Variants in ZC3H7B observed in about 807,000 individuals in gnomAD.
The protein encoded by ZC3H7B is zinc finger CCCH-type containing 7B, also known as zinc finger CCCH domain-containing protein 7B.
A neutral mutation model predicts 116.0 loss-of-function variants in ZC3H7B; 35 were observed. That is an observed-to-expected ratio of 0.30 (90% confidence interval 0.23 to 0.40). The LOEUF (loss-of-function observed/expected upper bound fraction) is 0.40. Ranked by LOEUF, ZC3H7B falls within the 10% of genes least tolerant of loss-of-function variation. ZC3H7B has a pLI of 1.00. For synonymous variants in ZC3H7B, 502 were observed against 545.6 expected, an observed-to-expected ratio of 0.92 and a Z score of 1.11; for missense variants, 1,011 against 1,321.5, an observed-to-expected ratio of 0.77 and a Z score of 3.64.
Position 41,313,937 on chromosome 22 carries a change from T to C in ZC3H7B, c.-6-6718T>C, listed in dbSNP as rs1202763334. Among the ~76,000 whole-genome samples, 4 of 151,292 alleles carry C rather than the reference T, an allele frequency of 2.6e-5. No individual in the cohort carries two copies. In the East Asian group the frequency reaches 7.8e-4, roughly 30 times the overall value. The stretch of plus-strand genomic sequence containing the variant: ...AATTTTTTTTTTTTTCGTATTTTTG[T>C]AGGGACGGGTTTTCACTATGTTGGC... On this transcript the variant is annotated intron_variant, in intron 1 of 22. Coordinates refer to ENST00000352645, the MANE Select transcript of ZC3H7B (RefSeq NM_017590.6).
In ZC3H7B at chr22:41,338,213, G is replaced by A. The variant is rs1025979994; in HGVS notation, c.583-100G>A. ...CCCCTGGCACTCTAAGTGCTCCTCG[G>A]TGCTGGGTCAACAGCATAGTCACGT... On this transcript the variant is annotated intron_variant, in intron 7 of 22. Coordinates refer to ENST00000352645, the MANE Select transcript of ZC3H7B (RefSeq NM_017590.6). This position sits in a 1 kb window ranked among gnomAD's most constrained non-coding sequence, Gnocchi z 4.5. The A allele has an allele frequency of 2.3e-5, 30 of 1,303,510 alleles. No individual in the cohort carries two copies. In the African/African-American group the frequency reaches 3.9e-4, roughly 17 times the overall value. The allele number at this position is 1,303,510 out of a possible 1,614,324, so 80.7% of individuals were successfully genotyped here.
intron 1 of ZC3H7B, among the ~76,000 whole-genome samples, chr22:41,309,775 C>G (rs1330330271): frequency 6.6e-6 from 1 of 152,076 alleles, no homozygotes; most frequent in African/African-American, 2.4e-5. Context: ...TAACTGTGTT[C>G]CCCTAGCACC....
chr22:41,358,610 A>G lies in ZC3H7B; in HGVS notation c.*1181A>G, dbSNP rs1173989302. ...GGCCCCTCTTTCTTGGGGACCCAGT[A>G]TGTCCTCTCCTCTAGACCCAGACAT... On this transcript the variant is annotated 3_prime_UTR_variant, in exon 23 of 23. Coordinates refer to ENST00000352645, the MANE Select transcript of ZC3H7B (RefSeq NM_017590.6). 1 of 152,462 alleles carries G rather than the reference A, an allele frequency of 6.6e-6. No homozygotes were observed. The highest frequency in any genetic ancestry group is 1.5e-5 in the Non-Finnish European group (1 of 68,230). The allele number at this position is 152,462 out of a possible 1,614,324, so 9.4% of individuals were successfully genotyped here. A position where few individuals can be genotyped will look rare whatever the true frequency, so the allele number is the denominator to read the frequency against.
At chr22:41,310,967 G>A (rs1489737476) in intron 1 of ZC3H7B, among the ~76,000 whole-genome samples, 2 of 151,526 alleles carry the variant, frequency 1.3e-5, no homozygotes, top group Non-Finnish European at 2.9e-5. Context: ...GGGTTTCACC[G>A]TGTTAGCCAG....
chr22:41,321,863 G>A (rs1420235392), intron 2 of ZC3H7B, among the ~76,000 whole-genome samples: 2 of 90,950 alleles, frequency 2.2e-5, no homozygotes, highest in Non-Finnish European at 3.9e-5. Context: ...TTTTTGAGAC[G>A]GAGTCTCGCT....
intron 6 of ZC3H7B, among the ~76,000 whole-genome samples, chr22:41,331,252 AAAAT>A (rs965465740): frequency 1.4e-5 from 2 of 147,852 alleles, no homozygotes; most frequent in Non-Finnish European, 3.0e-5. Context: ...TGTCTCAAAA[AAAAT>A]AAATAAATAA....
In ZC3H7B at chr22:41,349,094, G is replaced by GC. The variant is rs1336590495; in HGVS notation, c.1767-22dup. On this transcript the variant is annotated intron_variant, in intron 15 of 22. Transcript: ENST00000352645. The surrounding 1 kb of genome is among the most constrained non-coding windows in gnomAD (Gnocchi z 4.9). ...TCAGAGGGGCTGCGGACTGCATCGT[G>GC]CCCCTCCTGCCTGCCCGCCCGCCAG... 1 of 1,611,262 alleles carries GC rather than the reference G, an allele frequency of 6.2e-7. No individual in the cohort carries two copies. Among genetic ancestry groups the GC allele is most frequent in the Non-Finnish European group, 8.5e-7 (1 of 1,179,042 alleles).
rs6002343 is a variant in ZC3H7B, at chr22:41,346,984, A to G, written c.1665+776A>G. Among the ~76,000 whole-genome samples, 43,319 of 148,564 alleles carry G rather than the reference A, an allele frequency of 0.29. 7,109 individuals carry two copies. Among genetic ancestry groups the G allele is most frequent in the Admixed American group, 0.48 (7,238 of 15,044 alleles). On this transcript the variant is annotated intron_variant, in intron 14 of 22. Coordinates refer to ENST00000352645, the MANE Select transcript of ZC3H7B (RefSeq NM_017590.6). This position sits in a 1 kb window ranked among gnomAD's most constrained non-coding sequence, Gnocchi z 5.3. ...CCTATTCCAAAAAAAAAAAAAAAAAAATGTCATTTCCATCGTCACGGCAGT... is the reference window on the plus strand; with the variant it reads ...CCTATTCCAAAAAAAAAAAAAAAAAGATGTCATTTCCATCGTCACGGCAGT...
chr22:41,340,097 G>T lies in ZC3H7B; in HGVS notation c.1098G>T (p.Gly366=). The change falls in exon 10 of 23, where the codon GGG becomes GGT. Residue 366 remains glycine (G), a synonymous_variant. Transcript: ENST00000352645. ...ETRLDALDSF[G]STRGSLDKPD... is the part of the protein sequence containing the mutation. ...GGCTGGATGCACTCGACAGCTTTGG[G>T]TCGACACGAGGCTCCCTGGACAAAC... 6.2e-7 allele frequency: 1 copy of T among 1,611,456 alleles called. No homozygotes were observed. The highest frequency in any genetic ancestry group is 1.1e-5 in the South Asian group (1 of 90,960).
rs1033998097 is a variant in ZC3H7B, at chr22:41,325,461, C to G, written c.54-103C>G. On this transcript the variant is annotated intron_variant, in intron 2 of 22. Coordinates refer to ENST00000352645, the MANE Select transcript of ZC3H7B (RefSeq NM_017590.6). ...AAACCGCAGTCTGTTCACCCTAGTC[C>G]ACAAGGTGATGGCTGAGGTCTGAGT... 4 of 1,478,472 alleles carry G rather than the reference C, an allele frequency of 2.7e-6. No homozygotes were observed. The African/African-American group carries it at 4.2e-5, about 15-fold the overall frequency. The allele number at this position is 1,478,472 out of a possible 1,614,324, so 91.6% of individuals were successfully genotyped here.
At chr22:41,339,433 C>T (rs537058587) in intron 9 of ZC3H7B, among the ~76,000 whole-genome samples, 7 of 152,220 alleles carry the variant, frequency 4.6e-5, no homozygotes, top group African/African-American at 1.7e-4. Flanking sequence ...CGAGACCAGC[C>T]TGGCCAACGT....
At chr22:41,309,620 G>A (rs2036092582) in intron 1 of ZC3H7B, among the ~76,000 whole-genome samples, 1 of 152,126 alleles carries the variant, frequency 6.6e-6, no homozygotes, top group Admixed American at 6.6e-5. Flanking sequence ...CGGCCCTAAT[G>A]TACTTTCCAT....
chr22:41,325,525 C>G (rs1450232631), intron 2 of ZC3H7B, 39 bp from the exon 3 acceptor site: 1 of 1,595,838 alleles, frequency 6.3e-7, no homozygotes, highest in South Asian at 1.1e-5. Flanking sequence ...GCTGGGACCG[C>G]CGGGCTCACC....
intron 1 of ZC3H7B, among the ~76,000 whole-genome samples, chr22:41,318,706 TG>T (rs1485387999): frequency 2.0e-5 from 3 of 152,040 alleles, no homozygotes; most frequent in Non-Finnish European, 1.5e-5. Flanking sequence ...CATGCCATTC[TG>T]GGCAACAGAG....
chr22:41,359,545 C>T lies in ZC3H7B; in HGVS notation c.*2116C>T, dbSNP rs1270213143. 2 of 152,164 alleles carry T rather than the reference C, an allele frequency of 1.3e-5. No individual in the cohort carries two copies. The highest frequency in any genetic ancestry group is 2.4e-5 in the African/African-American group (1 of 41,422). The allele number at this position is 152,164 out of a possible 1,614,324, so 9.4% of individuals were successfully genotyped here. A position where few individuals can be genotyped will look rare whatever the true frequency, so the allele number is the denominator to read the frequency against. On this transcript the variant is annotated 3_prime_UTR_variant, in exon 23 of 23. Coordinates refer to ENST00000352645, the MANE Select transcript of ZC3H7B (RefSeq NM_017590.6). ...ACTCTGCTAGCTTCCCAGACCACCC[C>T]CATCGAGTGCGGAGAGAGTGGGAGT...
At chr22:41,355,918 C>T (rs765816878) in intron 19 of ZC3H7B, 36 bp from the exon 20 acceptor site, 32 of 1,605,766 alleles carry the variant, frequency 2.0e-5, no homozygotes, top group Middle Eastern at 3.3e-4. Context: ...TGCTTTCCAG[C>T]GGGACTCAGA....
At chr22:41,321,001 G>T (rs929852287) in intron 2 of ZC3H7B, among the ~76,000 whole-genome samples, 4 of 152,236 alleles carry the variant, frequency 2.6e-5, no homozygotes, top group African/African-American at 9.6e-5. Context: ...TCTCTTGCAT[G>T]ACTGCACGAG....
rs2036738765 is a variant in ZC3H7B, at chr22:41,357,553, C to T, written c.*124C>T. ...CCGCCCTCATCAGGCAGCCCCCAGCCCCCTGAGGCCCTGTCCATCTTCTCC... is the reference window on the plus strand; with the variant it reads ...CCGCCCTCATCAGGCAGCCCCCAGCTCCCTGAGGCCCTGTCCATCTTCTCC... On this transcript the variant is annotated 3_prime_UTR_variant, in exon 23 of 23. Transcript: ENST00000352645. The surrounding 1 kb of genome is among the most constrained non-coding windows in gnomAD (Gnocchi z 5.4). 3.9e-6 allele frequency: 4 copies of T among 1,012,868 alleles called. No individual in the cohort carries two copies. The highest frequency in any genetic ancestry group is 6.0e-5 in the East Asian group (2 of 33,480). The allele number at this position is 1,012,868 out of a possible 1,614,324, so 62.7% of individuals were successfully genotyped here.
intron 6 of ZC3H7B, among the ~76,000 whole-genome samples, chr22:41,331,554 CAA>C (rs76036983): frequency 2.1e-4 from 11 of 51,304 alleles, no homozygotes; most frequent in Admixed American, 6.9e-4. Context: ...GACTCTGCCT[CAA>C]AAAAAAAAAA....
Sources: allele counts gnomAD v4.1 joint callset (sites outside exome capture counted in the v4.1 genomes callset), GRCh38; gene constraint gnomAD v4.1.1; non-coding constraint Gnocchi (gnomAD v3.1); transcripts MANE v1.5; gene names NCBI Gene and HGNC (gene_info 2026-07-23, HGNC 2026-07-21).